The following SIPA1L1 variants were observed in gnomAD, a reference collection of about 807,000 sequenced individuals.
SIPA1L1 encodes signal-induced proliferation-associated 1-like protein 1.
A neutral mutation model predicts 162.7 loss-of-function variants in SIPA1L1; 26 were observed. The observed-to-expected ratio is 0.16, with a 90% CI of 0.12 to 0.22. The LOEUF (loss-of-function observed/expected upper bound fraction) is 0.22, where lower values mean the gene tolerates loss of function less well. Ranked by LOEUF, SIPA1L1 falls within the 10% of genes least tolerant of loss-of-function variation. The probability of loss-of-function intolerance (pLI) is 1.00; values close to 1 mark genes in which losing one functional copy is unlikely to be tolerated. For synonymous variants in SIPA1L1, 829 were observed against 837.4 expected (o/e 0.99, Z 0.17); for missense variants, 1,874 against 2,241.0 (o/e 0.84, Z 3.31).
At chr14:71,370,331 C>T (rs1023000470) in intron 2 of SIPA1L1, among the ~76,000 whole-genome samples, 1 of 151,886 alleles carries the variant, frequency 6.6e-6, no homozygotes, top group Non-Finnish European at 1.5e-5. Context: ...TTTTGAAATA[C>T]GTCCCATCAA....
intron 2 of SIPA1L1, among the ~76,000 whole-genome samples, chr14:71,485,218 G>A (rs570310347): frequency 1.3e-5 from 2 of 152,338 alleles, no homozygotes; most frequent in Admixed American, 1.3e-4. Flanking sequence ...TGCTATTACA[G>A]TTAAGTCCAT....
chr14:71,448,097 C>G (rs1023215797), intron 2 of SIPA1L1, among the ~76,000 whole-genome samples: 1 of 152,240 alleles, frequency 6.6e-6, no homozygotes, highest in South Asian at 2.1e-4. Context: ...ATGTCATCTC[C>G]GTTTTGTAGA....
At chr14:71,563,936 TG>T (rs2056989332) in intron 4 of SIPA1L1, among the ~76,000 whole-genome samples, 2 of 152,230 alleles carry the variant, frequency 1.3e-5, no homozygotes, top group African/African-American at 2.4e-5. Flanking sequence ...ATATTAGTTA[TG>T]TTTTTTTCTC....
intron 4 of SIPA1L1, among the ~76,000 whole-genome samples, chr14:71,579,681 T>G (rs1596249357): frequency 6.6e-6 from 1 of 152,262 alleles, no homozygotes; most frequent in South Asian, 2.1e-4. Context: ...CAAAATCTGC[T>G]AAGGGAAATA....
At chr14:71,731,641 A>G (rs1428494909) in intron 20 of SIPA1L1, among the ~76,000 whole-genome samples, 1 of 152,202 alleles carries the variant, frequency 6.6e-6, no homozygotes. Context: ...TCTTCTCTGC[A>G]TGTGTCATAT....
chr14:71,625,449 G>A (rs141478083), intron 7 of SIPA1L1, among the ~76,000 whole-genome samples: 35 of 152,226 alleles, frequency 2.3e-4, no homozygotes, highest in African/African-American at 7.5e-4. Flanking sequence ...ACAGGCATGC[G>A]CCACTGCGCC....
At chr14:71,677,273 T>G (rs973515688) in intron 12 of SIPA1L1, among the ~76,000 whole-genome samples, 4 of 152,254 alleles carry the variant, frequency 2.6e-5, no homozygotes, top group Non-Finnish European at 2.9e-5. Context: ...AAATGTCTTC[T>G]TTTGCGAAGT....
At chr14:71,624,497 CG>C (rs1307895061) in intron 7 of SIPA1L1, among the ~76,000 whole-genome samples, 1 of 152,006 alleles carries the variant, frequency 6.6e-6, no homozygotes, top group Non-Finnish European at 1.5e-5. Flanking sequence ...TCCATATGTA[CG>C]GTAAGTTTTT....
At chr14:71,518,157 A>G (rs1184906152) in intron 3 of SIPA1L1, among the ~76,000 whole-genome samples, 2 of 151,898 alleles carry the variant, frequency 1.3e-5, no homozygotes, top group African/African-American at 4.8e-5. Flanking sequence ...GATGGCTCAC[A>G]CGTGTAGTTT....
At chr14:71,330,199 A>G in intron 2 of SIPA1L1, 1 of 589,350 alleles carries the variant, frequency 1.7e-6, no homozygotes, top group Non-Finnish European at 3.1e-6. Flanking sequence ...CAGTTTGGGT[A>G]ATGAAGTTGG....
At chr14:71,658,250 CT>C (rs1308238125) in intron 8 of SIPA1L1, 82 bp from the exon 9 acceptor site, 1 of 737,990 alleles carries the variant, frequency 1.4e-6, no homozygotes, top group African/African-American at 1.8e-5. Flanking sequence ...CTTTTCTTCT[CT>C]TTTCTTTTTT....
chr14:71,674,880 A>G (rs1239702407), intron 12 of SIPA1L1, among the ~76,000 whole-genome samples: 19 of 152,116 alleles, frequency 1.2e-4, no homozygotes, highest in Admixed American at 1.2e-3. Flanking sequence ...CTGTTTTAAA[A>G]GAAACCGGGA....
intron 2 of SIPA1L1, among the ~76,000 whole-genome samples, chr14:71,470,411 A>G (rs1178062983): frequency 2.6e-5 from 4 of 152,214 alleles, no homozygotes; most frequent in Admixed American, 2.0e-4. Flanking sequence ...GCAGCGCCCA[A>G]ACTTTTTAAG....
chr14:71,443,570 A>T (rs1000897570), intron 2 of SIPA1L1, among the ~76,000 whole-genome samples: 3 of 152,272 alleles, frequency 2.0e-5, no homozygotes, highest in African/African-American at 7.2e-5. Context: ...ATGCAATAAG[A>T]CCTTTGGAAA....
At chr14:71,688,662 C>G (rs2081043428) in intron 13 of SIPA1L1, among the ~76,000 whole-genome samples, 1 of 152,166 alleles carries the variant, frequency 6.6e-6, no homozygotes, top group Non-Finnish European at 1.5e-5. Flanking sequence ...ATCCATCTGA[C>G]TCTCCCCTGC....
intron 2 of SIPA1L1, among the ~76,000 whole-genome samples, chr14:71,422,134 G>T (rs1203811476): frequency 6.6e-6 from 1 of 152,160 alleles, no homozygotes; most frequent in Non-Finnish European, 1.5e-5. Flanking sequence ...AAAGAGATAT[G>T]TGTGTTGGCT....
At chr14:71,556,347 A>G (rs1417758315) in intron 4 of SIPA1L1, among the ~76,000 whole-genome samples, 1 of 152,204 alleles carries the variant, frequency 6.6e-6, no homozygotes, top group Non-Finnish European at 1.5e-5. Flanking sequence ...TCCACATGCC[A>G]AACAGCGTAC....
At chr14:71,338,875 G>T (rs1390652297) in intron 2 of SIPA1L1, among the ~76,000 whole-genome samples, 1 of 151,934 alleles carries the variant, frequency 6.6e-6, no homozygotes, top group Non-Finnish European at 1.5e-5. Context: ...GAGTAGCTAG[G>T]ATTACAGGTG....
rs867259054 is a variant in SIPA1L1, at chr14:71,377,303, C to T, written c.-465+56122C>T. Among the ~76,000 whole-genome samples, 4 of 151,292 alleles carry T rather than the reference C, an allele frequency of 2.6e-5. No individual in the cohort carries two copies. Among genetic ancestry groups the T allele is most frequent in the Non-Finnish European group, 5.9e-5 (4 of 67,768 alleles). ...GGCGTTCTCCACTTCTCAGACAGGG[C>T]GGCTGCCGGGTGGAGGGGCTCCTCA... is the stretch of plus-strand genomic sequence containing the variant. On this transcript the variant is annotated intron_variant, in intron 2 of 23. Coordinates refer to ENST00000381232, the MANE Select transcript of SIPA1L1 (RefSeq NM_001386936.1). The surrounding 1 kb of genome is among the most constrained non-coding windows in gnomAD (Gnocchi z 4.8).
Sources: allele counts gnomAD v4.1 joint callset (sites outside exome capture counted in the v4.1 genomes callset), GRCh38; gene constraint gnomAD v4.1.1; non-coding constraint Gnocchi (gnomAD v3.1); transcripts MANE v1.5; gene names NCBI Gene and HGNC (gene_info 2026-07-23, HGNC 2026-07-21).